Variants in EBF3 observed in about 807,000 individuals in gnomAD.
EBF3 encodes the protein EBF transcription factor 3.
In EBF3, 18 loss-of-function variants were observed where a neutral mutation model predicts 77.1. The ratio of observed to expected loss-of-function variants is 0.23; its 90% confidence interval spans 0.16 to 0.35. The LOEUF is 0.35. Among genes scored for constraint, EBF3 ranks in the 10% least tolerant of loss-of-function variants. The probability of loss-of-function intolerance (pLI) is 1.00; values close to 1 mark genes in which losing one functional copy is unlikely to be tolerated. For synonymous variants in EBF3, 350 were observed against 343.5 expected, an observed-to-expected ratio of 1.02 and a Z score of -0.21; for missense variants, 558 against 860.0, an observed-to-expected ratio of 0.65 and a Z score of 4.39.
chr10:129,914,371 G>A (rs1855728587), intron 6 of EBF3, among the ~76,000 whole-genome samples: 1 of 152,152 alleles, frequency 6.6e-6, no homozygotes, highest in African/African-American at 2.4e-5. Context: ...GCATCCTAAG[G>A]ACTGGCCTGG....
chr10:129,957,013 C>T (rs975601271), intron 6 of EBF3, among the ~76,000 whole-genome samples: 1 of 152,228 alleles, frequency 6.6e-6, no homozygotes, highest in African/African-American at 2.4e-5. Context: ...ACAGCGAGAG[C>T]AGTGGCAGAT....
intron 6 of EBF3, among the ~76,000 whole-genome samples, chr10:129,917,651 CAA>C (rs71481019): frequency 1.8e-3 from 42 of 23,592 alleles, no homozygotes; most frequent in African/African-American, 4.3e-3. Context: ...GACCCTGCCT[CAA>C]AAAAAAAAAA....
chr10:129,846,363 T>C (rs976775184), intron 11 of EBF3, among the ~76,000 whole-genome samples: 2 of 151,740 alleles, frequency 1.3e-5, no homozygotes, highest in Non-Finnish European at 2.9e-5. Flanking sequence ...TTCAAAAAAA[T>C]TGCTGCAAAA....
chr10:129,914,464 C>T (rs938929226), intron 6 of EBF3, among the ~76,000 whole-genome samples: 1 of 152,078 alleles, frequency 6.6e-6, no homozygotes, highest in Admixed American at 6.5e-5. Context: ...CACTCGGAAC[C>T]GCAGGGTGGG....
intron 10 of EBF3, among the ~76,000 whole-genome samples, chr10:129,859,222 C>CT (rs945764398): frequency 6.6e-5 from 10 of 151,564 alleles, no homozygotes; most frequent in East Asian, 3.9e-4. Context: ...ACTCATTTTG[C>CT]TTTTTTTTTG....
intron 15 of EBF3, among the ~76,000 whole-genome samples, chr10:129,839,876 C>A (rs1318537191): frequency 6.6e-6 from 1 of 152,248 alleles, no homozygotes; most frequent in African/African-American, 2.4e-5. Context: ...AAGTGCCAGG[C>A]CCCGGGCAAA....
At chr10:129,962,045 A>G in intron 4 of EBF3, 126 bp downstream of exon 4, 1 of 817,484 alleles carries the variant, frequency 1.2e-6, no homozygotes, top group Non-Finnish European at 2.0e-6. Flanking sequence ...AATTCTCATT[A>G]GCATGTCAAG....
intron 6 of EBF3, among the ~76,000 whole-genome samples, chr10:129,884,926 T>A (rs1177675945): frequency 6.6e-6 from 1 of 152,170 alleles, no homozygotes; most frequent in Non-Finnish European, 1.5e-5. Context: ...GCATTAACAA[T>A]ATTTGTACTA....
chr10:129,835,977 ATTG>A lies in EBF3; in HGVS notation c.*1963_*1965del, dbSNP rs1196326062. On this transcript the variant is annotated 3_prime_UTR_variant, in exon 17 of 17. Transcript: ENST00000440978. ...CTGTTGGAACTGACCACAAAAATGT[ATTG>A]TTAAAAAAAAATTGAAAACCAGCAG... 1 of 152,614 alleles carries A rather than the reference ATTG, an allele frequency of 6.6e-6. No individual in the cohort carries two copies. Among genetic ancestry groups the A allele is most frequent in the Non-Finnish European group, 1.5e-5 (1 of 68,050 alleles). The allele number at this position is 152,614 out of a possible 1,614,324, so 9.5% of individuals were successfully genotyped here. A position where few individuals can be genotyped will look rare whatever the true frequency, so the allele number is the denominator to read the frequency against.
At chr10:129,902,405 C>T (rs1190463162) in intron 6 of EBF3, among the ~76,000 whole-genome samples, 1 of 151,902 alleles carries the variant, frequency 6.6e-6, no homozygotes, top group Non-Finnish European at 1.5e-5. Context: ...GCTGGGTGCA[C>T]GGGCGTCTTT....
At chr10:129,873,416 A>G (rs1255713075) in intron 8 of EBF3, 36 bp downstream of exon 8, 4 of 1,479,980 alleles carry the variant, frequency 2.7e-6, no homozygotes, top group Non-Finnish European at 3.6e-6. Flanking sequence ...AAAAAGAAGC[A>G]TCGCAAATAA....
At chr10:129,937,559 C>G (rs1857446645) in intron 6 of EBF3, among the ~76,000 whole-genome samples, 1 of 152,224 alleles carries the variant, frequency 6.6e-6, no homozygotes, top group Non-Finnish European at 1.5e-5. Flanking sequence ...ATTCAGGCAG[C>G]TACGCCTGAT....
rs762036771 is a variant in EBF3 at position 129,837,944 on chromosome 10, T to A, written c.1889A>T (p.Ter630LeuextTer26). The change falls in exon 17 of 17, where the codon TAG (stop) becomes TTG (leucine). Residue 630 changes from the stop codon to leucine (L), a stop_lost. Transcript: ENST00000440978. ...CAGAAGTCCCTCACATTGGCGGGAC[T>A]ACCAGCCCAGACATAGCTGCAAGAC... ...KGTGKLCLGW[*>L] is the part of the protein sequence containing the mutation. 1 of 1,614,088 alleles carries A rather than the reference T, an allele frequency of 6.2e-7. No homozygotes were observed. The highest frequency in any genetic ancestry group is 1.1e-5 in the South Asian group (1 of 91,082).
In EBF3 at chr10:129,959,018, G is replaced by T. The variant is rs1257490184; in HGVS notation, c.412-11C>A. 3.1e-6 allele frequency: 5 copies of T among 1,597,548 alleles called. No homozygotes were observed. In the Admixed American group the frequency reaches 8.5e-5, roughly 27 times the overall value. Reference sequence around the variant, plus strand: ...CTCGTAGACGATGGCCTGCGCGAGGGACAAGCAGAGGCTGGGGTTACGCGG... The same window carrying T: ...CTCGTAGACGATGGCCTGCGCGAGGTACAAGCAGAGGCTGGGGTTACGCGG... On this transcript the variant is annotated splice_polypyrimidine_tract_variant and intron_variant, in intron 4 of 16. Transcript: ENST00000440978.
chr10:129,883,790 G>T (rs1253963883), intron 6 of EBF3, among the ~76,000 whole-genome samples: 1 of 152,184 alleles, frequency 6.6e-6, no homozygotes, highest in African/African-American at 2.4e-5. Flanking sequence ...TGCTTCGTGG[G>T]TACAGGGTTT....
intron 6 of EBF3, among the ~76,000 whole-genome samples, chr10:129,945,931 T>C (rs1468489293): frequency 1.3e-5 from 2 of 152,030 alleles, no homozygotes; most frequent in African/African-American, 4.8e-5. Flanking sequence ...CTTTTACGTT[T>C]AGTGGAGGCC....
At position 129,938,992 on chromosome 10, in the gene EBF3, G is replaced by T. The variant is rs1857545054; in HGVS notation, c.554+18266C>A. Among the ~76,000 whole-genome samples, 1 of 152,142 alleles carries T rather than the reference G, an allele frequency of 6.6e-6. No homozygotes were observed. Among genetic ancestry groups the T allele is most frequent in the Non-Finnish European group, 1.5e-5 (1 of 68,032 alleles). On this transcript the variant is annotated intron_variant, in intron 6 of 16. Transcript: ENST00000440978. The surrounding 1 kb of genome is among the most constrained non-coding windows in gnomAD (Gnocchi z 5.1). ...GACCTGTCCCAAACAAATAAATGAG[G>T]GCTCTTGATGTCTTTCTTTTTCAGA...
rs971995807 is a variant in EBF3 at position 129,897,182 on chromosome 10, C to T, written c.555-19333G>A. ...AGCACTGTGGTCACAGACACACTCG[C>T]GGTGTACACGGGCCCTCCACGCAGC... On this transcript the variant is annotated intron_variant, in intron 6 of 16. Transcript: ENST00000440978. The surrounding 1 kb of genome is among the most constrained non-coding windows in gnomAD (Gnocchi z 4.6). 1.3e-5 allele frequency among the ~76,000 whole-genome samples: 2 copies of T among 152,168 alleles called. No individual in the cohort carries two copies. Among genetic ancestry groups the T allele is most frequent in the South Asian group, 2.1e-4 (1 of 4,822 alleles).
At chr10:129,839,998 C>T (rs939807651) in intron 15 of EBF3, among the ~76,000 whole-genome samples, 4 of 152,272 alleles carry the variant, frequency 2.6e-5, no homozygotes. Flanking sequence ...ACCGTAAGTA[C>T]ACTAGGTGCC....
Sources: allele counts gnomAD v4.1 joint callset (sites outside exome capture counted in the v4.1 genomes callset), GRCh38; gene constraint gnomAD v4.1.1; non-coding constraint Gnocchi (gnomAD v3.1); transcripts MANE v1.5; gene names NCBI Gene and HGNC (gene_info 2026-07-23, HGNC 2026-07-21).